The following RGPD2 variants were observed in gnomAD, a reference collection of about 807,000 sequenced individuals.
RGPD2 encodes RANBP2-like and GRIP domain-containing protein 2.
A neutral mutation model predicts 36.0 loss-of-function variants in RGPD2; 2 were observed. The ratio of observed to expected loss-of-function variants is 0.06; its 90% CI spans 0.02 to 0.17. The LOEUF (loss-of-function observed/expected upper bound fraction) is 0.17. RGPD2 is among the 10% of genes least tolerant of loss of function. RGPD2 has a pLI of 1.00. For missense variants in RGPD2, 40 were observed against 464.3 expected (o/e 0.09, Z 8.40); for synonymous variants, 19 against 163.8 (o/e 0.12, Z 6.75).
the RGPD2 span, among the ~76,000 whole-genome samples, chr2:87,888,938 C>A: frequency 2.0e-5 from 1 of 49,910 alleles, no homozygotes; most frequent in South Asian, 1.2e-3. Context: ...ATGTAAAATT[C>A]TGATAGAATT....
chr2:87,903,210 G>C, the RGPD2 span, among the ~76,000 whole-genome samples: 1 of 139,506 alleles, frequency 7.2e-6, no homozygotes, highest in African/African-American at 2.7e-5. Flanking sequence ...TCTTAAGCCA[G>C]GATAACAGAC....
the RGPD2 span, among the ~76,000 whole-genome samples, chr2:87,948,300 A>C: frequency 6.6e-6 from 1 of 151,712 alleles, no homozygotes; most frequent in South Asian, 2.1e-4. Context: ...TCTTAGACTC[A>C]TACATGCCCC....
chr2:87,807,436 G>T (rs1333540055), intron 6 of RGPD2, among the ~76,000 whole-genome samples: 1 of 146,796 alleles, frequency 6.8e-6, no homozygotes, highest in Non-Finnish European at 1.5e-5. Flanking sequence ...GCCTGGGCTG[G>T]AGTGTAATGG....
the RGPD2 span, among the ~76,000 whole-genome samples, chr2:87,978,234 C>T: frequency 6.6e-6 from 1 of 152,242 alleles, no homozygotes; most frequent in African/African-American, 2.4e-5. Flanking sequence ...CAAGAACTCA[C>T]GTCTAGAACA....
chr2:87,881,164 G>A, the RGPD2 span, among the ~76,000 whole-genome samples: 2 of 151,920 alleles, frequency 1.3e-5, no homozygotes, highest in African/African-American at 4.8e-5. Context: ...TTCCACTTAT[G>A]TGGCTTTCCA....
chr2:87,913,895 T>C, the RGPD2 span, among the ~76,000 whole-genome samples: 6 of 152,144 alleles, frequency 3.9e-5, no homozygotes, highest in Non-Finnish European at 8.8e-5. Flanking sequence ...TAACACAGCA[T>C]TCAGTTGATG....
the RGPD2 span, among the ~76,000 whole-genome samples, chr2:87,881,130 G>A: frequency 6.6e-6 from 1 of 152,080 alleles, no homozygotes; most frequent in Non-Finnish European, 1.5e-5. Context: ...AGTGCAAGGG[G>A]TGGGCTCACA....
intron 22 of RGPD2, among the ~76,000 whole-genome samples, chr2:87,769,720 C>T (rs1203260529): frequency 6.6e-6 from 1 of 151,690 alleles, no homozygotes; most frequent in African/African-American, 2.4e-5. Flanking sequence ...TGCAAACATT[C>T]TTAAAGTCCT....
chr2:87,825,879 T>A, upstream of RGPD2: 5 of 1,025,884 alleles, frequency 4.9e-6, no homozygotes, highest in South Asian at 7.6e-5. Context: ...GCACTGTGTA[T>A]CCTTGGCGAC....
chr2:87,842,643 ATG>A, the RGPD2 span, among the ~76,000 whole-genome samples: 1 of 150,308 alleles, frequency 6.7e-6, no homozygotes, highest in Admixed American at 6.6e-5. Context: ...GCCCAAGGTA[ATG>A]TATAGATTCA....
rs1210961902 is a variant in RGPD2 at position 87,825,517 on chromosome 2, C to T, written c.72+141G>A. ...CCGGCCGAGGCCGAGGCCGAGGCCG[C>T]CGCCCGGCCGAGGCCGAGGCCGAGG... On this transcript the variant is annotated intron_variant, in intron 1 of 22. Transcript: ENST00000398146. 9.9e-6 allele frequency: 4 copies of T among 405,136 alleles called. No homozygotes were observed. The East Asian group carries it at 6.6e-4, about 67-fold the overall frequency. 25.1% of individuals were successfully genotyped at this position (405,136 alleles called of 1,614,324 possible).
chr2:87,964,517 G>A, the RGPD2 span, among the ~76,000 whole-genome samples: 4 of 152,158 alleles, frequency 2.6e-5, no homozygotes, highest in South Asian at 8.3e-4. Context: ...CCCACTCTGT[G>A]TCAAACAAAT....
chr2:87,940,608 G>A, the RGPD2 span, among the ~76,000 whole-genome samples: 1 of 112,174 alleles, frequency 8.9e-6, no homozygotes, highest in Non-Finnish European at 2.0e-5. Context: ...AGCAACGGGA[G>A]TTTATTCAAG....
At chr2:87,875,727 G>A in the RGPD2 span, among the ~76,000 whole-genome samples, 177 of 152,376 alleles carry the variant, frequency 1.2e-3, no homozygotes, top group African/African-American at 4.1e-3. Flanking sequence ...GGATGATGCT[G>A]GCCTCATAAA....
At chr2:87,941,140 G>A in the RGPD2 span, among the ~76,000 whole-genome samples, 13 of 151,134 alleles carry the variant, frequency 8.6e-5, no homozygotes, top group Admixed American at 4.0e-4. Context: ...AAATGATACC[G>A]GAAAATTGGT....
the RGPD2 span, among the ~76,000 whole-genome samples, chr2:87,877,551 C>A: frequency 3.9e-5 from 6 of 152,260 alleles, no homozygotes; most frequent in African/African-American, 1.4e-4. Context: ...CACCTGTAAT[C>A]CCAGCACTTT....
the RGPD2 span, among the ~76,000 whole-genome samples, chr2:87,986,829 A>G: frequency 6.6e-6 from 1 of 151,634 alleles, no homozygotes; most frequent in Non-Finnish European, 1.5e-5. Flanking sequence ...GCAGTGAGCC[A>G]AGATCACGCC....
chr2:87,862,932 A>AT, the RGPD2 span, among the ~76,000 whole-genome samples: 1 of 118,626 alleles, frequency 8.4e-6, no homozygotes, highest in African/African-American at 3.6e-5. Context: ...AGTCTATGGT[A>AT]TTTTTGCTAT....
At chr2:87,857,868 C>G in the RGPD2 span, among the ~76,000 whole-genome samples, 1 of 151,388 alleles carries the variant, frequency 6.6e-6, no homozygotes, top group Non-Finnish European at 1.5e-5. Flanking sequence ...GTTATTCTAG[C>G]TTTACACTTA....
Sources: allele counts gnomAD v4.1 joint callset (sites outside exome capture counted in the v4.1 genomes callset), GRCh38; gene constraint gnomAD v4.1.1; transcripts MANE v1.5; gene names NCBI Gene and HGNC (gene_info 2026-07-23, HGNC 2026-07-21).